SPAG17: variants seen among roughly 807,000 people sequenced by gnomAD.
SPAG17 encodes the protein sperm-associated antigen 17.
SPAG17 carries 169 observed loss-of-function variants against 273.6 expected under a neutral mutation model. That is an observed-to-expected ratio of 0.62 (90% CI 0.55 to 0.70). The LOEUF is 0.70. Ranked by LOEUF, SPAG17 falls within the 30% of genes least tolerant of loss-of-function variation. SPAG17 has a pLI of 0.00. For synonymous variants in SPAG17, 825 were observed against 873.2 expected (o/e 0.94, Z 0.97); for missense variants, 2,557 against 2,627.8 (o/e 0.97, Z 0.59).
At chr1:117,963,651 A>C (rs1406404902) in intron 48 of SPAG17, 148 bp downstream of exon 48, 6 of 665,492 alleles carry the variant, frequency 9.0e-6, no homozygotes, top group Admixed American at 3.1e-5. Flanking sequence ...GGTGTGAGCC[A>C]CCGGGCCCGG....
intron 4 of SPAG17, among the ~76,000 whole-genome samples, chr1:118,104,410 G>A (rs1656261047): frequency 1.3e-5 from 2 of 152,212 alleles, no homozygotes; most frequent in South Asian, 4.1e-4. Context: ...ACTTTGAGAT[G>A]CCTCTTGAGA....
rs1482916946 is a variant in SPAG17, at chr1:117,959,093, A to G, written c.*4706T>C. On this transcript the variant is annotated intron_variant, in intron 48 of 48. Transcript: ENST00000336338. ...AGTATGCTGTGCTTTGTCTTTAGCA[A>G]TACCCACCACCGATAAATCCATATT... 6 of 1,356,466 alleles carry G rather than the reference A, an allele frequency of 4.4e-6. No individual in the cohort carries two copies. The Admixed American group carries it at 5.9e-5, about 13-fold the overall frequency. 84.0% of individuals were successfully genotyped at this position (1,356,466 alleles called of 1,614,324 possible). A position where few individuals can be genotyped will look rare whatever the true frequency, so the allele number is the denominator to read the frequency against.
At chr1:118,133,573 T>C (rs538780713) in intron 3 of SPAG17, among the ~76,000 whole-genome samples, 42 of 152,164 alleles carry the variant, frequency 2.8e-4, no homozygotes, top group Admixed American at 4.6e-4. Context: ...GGAAATTAGA[T>C]GGTCTCATGC....
Position 118,008,140 on chromosome 1 carries a change from G to A in SPAG17, c.4491C>T (p.Arg1497=). ...CACAGTTGGCGATAACAGTGGCATAGCGTGAGCTTTCTACCCGCATACACT... is the reference window on the plus strand; with the variant it reads ...CACAGTTGGCGATAACAGTGGCATAACGTGAGCTTTCTACCCGCATACACT... ...QVKCMRVESS[R]YATVIANCED... The change falls in exon 31 of 49, where the codon CGC becomes CGT. Residue 1497 remains arginine (R), a synonymous_variant. Transcript: ENST00000336338. 6.2e-7 allele frequency: 1 copy of A among 1,614,062 alleles called. No individual in the cohort carries two copies. The highest frequency in any genetic ancestry group is 8.5e-7 in the Non-Finnish European group (1 of 1,179,984).
chr1:118,074,653 T>A, intron 15 of SPAG17, 53 bp from the exon 16 acceptor site: 1 of 1,456,700 alleles, frequency 6.9e-7, no homozygotes, highest in Non-Finnish European at 9.6e-7. Context: ...GTTCTTGCCC[T>A]GCTGGTTAAT....
At chr1:118,041,523 A>G (rs1203711499) in intron 21 of SPAG17, among the ~76,000 whole-genome samples, 2 of 152,034 alleles carry the variant, frequency 1.3e-5, no homozygotes, top group East Asian at 1.9e-4. Flanking sequence ...ACATATATCT[A>G]TAAGAATGCT....
At chr1:118,141,964 C>T (rs1658707397) in intron 3 of SPAG17, among the ~76,000 whole-genome samples, 1 of 152,012 alleles carries the variant, frequency 6.6e-6, no homozygotes, top group South Asian at 2.1e-4. Flanking sequence ...CTTTTCTTCC[C>T]TTACTTGCTT....
Position 117,990,952 on chromosome 1 carries a change from GACTT to G in SPAG17, c.5476-50_5476-47del. On this transcript the variant is annotated intron_variant, in intron 37 of 48. Transcript: ENST00000336338. ...CTTATGATGATTATATTACTTACAA[GACTT>G]ACTTTGTTTAGAAACATTCTCTCAA... The G allele has an allele frequency of 3.5e-6, 4 of 1,135,898 alleles. 1 individual carries two copies. The South Asian group carries it at 6.8e-5, about 19-fold the overall frequency. The allele number at this position is 1,135,898 out of a possible 1,614,324, so 70.4% of individuals were successfully genotyped here.
intron 10 of SPAG17, among the ~76,000 whole-genome samples, chr1:118,087,819 A>G (rs1025447308): frequency 2.1e-4 from 32 of 152,160 alleles, no homozygotes; most frequent in African/African-American, 7.0e-4. Context: ...CTTGGCATTA[A>G]TGACATTTTG....
intron 38 of SPAG17, 127 bp from the exon 39 acceptor site, chr1:117,988,331 G>A: frequency 1.8e-6 from 1 of 558,656 alleles, no homozygotes; most frequent in Middle Eastern, 2.8e-4. Context: ...GTGTTTACTA[G>A]GACTTACATG....
intron 3 of SPAG17, among the ~76,000 whole-genome samples, chr1:118,127,059 C>A (rs1558031885): frequency 6.6e-6 from 1 of 152,092 alleles, no homozygotes; most frequent in African/African-American, 2.4e-5. Context: ...CTTTTAATAC[C>A]AGTACCATGC....
At chr1:118,114,344 T>C (rs987104074) in intron 4 of SPAG17, among the ~76,000 whole-genome samples, 3 of 152,148 alleles carry the variant, frequency 2.0e-5, no homozygotes, top group African/African-American at 4.8e-5. Context: ...TAAAGCCCTA[T>C]ATTGAAAATG....
chr1:118,022,349 A>G (rs1660580138), intron 28 of SPAG17, among the ~76,000 whole-genome samples: 1 of 152,206 alleles, frequency 6.6e-6, no homozygotes, highest in African/African-American at 2.4e-5. Flanking sequence ...ATAAAAATAT[A>G]TCTTACAAAT....
At chr1:118,068,327 C>T (rs976566855) in intron 17 of SPAG17, among the ~76,000 whole-genome samples, 3 of 152,040 alleles carry the variant, frequency 2.0e-5, no homozygotes, top group Non-Finnish European at 4.4e-5. Context: ...ACATAAGAAA[C>T]ATACATGTGG....
In SPAG17 at chr1:117,974,859, G is replaced by C. The variant is rs779312695; in HGVS notation, c.6005-1298C>G. Among the ~76,000 whole-genome samples the C allele has an allele frequency of 3.3e-5, 5 of 152,204 alleles. 1 individual carries two copies. The highest frequency in any genetic ancestry group is 4.1e-4 in the South Asian group (2 of 4,832). On this transcript the variant is annotated intron_variant, in intron 43 of 48. Coordinates refer to ENST00000336338, the MANE Select transcript of SPAG17 (RefSeq NM_206996.4). The stretch of plus-strand genomic sequence containing the variant: ...ATTTGAGTGTCCACGATCTGCAGGT[G>C]AGTGCCACACATGTTTTTACACCGG...
chr1:118,150,755 T>G (rs752954263), intron 2 of SPAG17, 126 bp from the exon 3 acceptor site: 1 of 550,936 alleles, frequency 1.8e-6, no homozygotes, highest in Non-Finnish European at 3.2e-6. Flanking sequence ...GAGGTACCCA[T>G]GAATTAGGTA....
chr1:118,027,182 A>T (rs1258782757), intron 26 of SPAG17, among the ~76,000 whole-genome samples: 2 of 152,174 alleles, frequency 1.3e-5, no homozygotes, highest in African/African-American at 4.8e-5. Flanking sequence ...TGAGTGGAAG[A>T]CACCCAGTGA....
chr1:117,974,774 G>C (rs776121077), intron 43 of SPAG17, among the ~76,000 whole-genome samples: 1 of 152,188 alleles, frequency 6.6e-6, no homozygotes, highest in Non-Finnish European at 1.5e-5. Flanking sequence ...TTAGATCATG[G>C]TAGTTAAAAA....
intron 4 of SPAG17, among the ~76,000 whole-genome samples, chr1:118,102,288 T>C (rs1235250632): frequency 6.6e-6 from 1 of 152,208 alleles, no homozygotes; most frequent in Non-Finnish European, 1.5e-5. Flanking sequence ...GGTTTATCTT[T>C]TAGTCTAGCC....
Sources: gnomAD v4.1 joint callset for allele counts (sites outside exome capture counted in the v4.1 genomes callset) on GRCh38, gnomAD v4.1.1 for gene constraint, MANE v1.5 for transcripts, NCBI Gene and HGNC (gene_info 2026-07-23, HGNC 2026-07-21) for gene names.